Variants in COLEC10 observed in about 807,000 individuals in gnomAD.
COLEC10 encodes collectin-10.
COLEC10 carries 22 observed loss-of-function variants against 28.4 expected under a neutral mutation model. That is an observed-to-expected ratio of 0.78 (90% CI 0.55 to 1.11). The LOEUF (loss-of-function observed/expected upper bound fraction) is 1.11. Among genes scored for constraint, COLEC10 ranks in the 50% least tolerant of loss-of-function variants. The pLI is 0.00. For synonymous variants in COLEC10, 125 were observed against 116.1 expected (o/e 1.08, Z -0.49); for missense variants, 361 against 344.1 (o/e 1.05, Z -0.39).
In COLEC10 at chr8:119,106,563, A is replaced by T. The variant is rs1815949095; in HGVS notation, c.*372A>T. On this transcript the variant is annotated 3_prime_UTR_variant, in exon 6 of 6. Transcript: ENST00000332843. ...ATAATTTCCCAGTTTACTGGTGATGATTAGGAAGGTTGTTGATGGTTAGGC... is the reference window on the plus strand; with the variant it reads ...ATAATTTCCCAGTTTACTGGTGATGTTTAGGAAGGTTGTTGATGGTTAGGC... The T allele has an allele frequency of 5.5e-6, 1 of 182,156 alleles. No individual in the cohort carries two copies. Among genetic ancestry groups the T allele is most frequent in the Non-Finnish European group, 1.2e-5 (1 of 84,314 alleles). The allele number at this position is 182,156 out of a possible 1,614,324, so 11.3% of individuals were successfully genotyped here. A position where few individuals can be genotyped will look rare whatever the true frequency, so the allele number is the denominator to read the frequency against.
Position 119,015,482 on chromosome 8 carries a change from A to G in COLEC10, n.235+5929A>G, listed in dbSNP as rs1274580617. Among the ~76,000 whole-genome samples the G allele has an allele frequency of 2.8e-5, 4 of 144,534 alleles. 1 individual carries two copies. The highest frequency in any genetic ancestry group is 1.2e-4 in the African/African-American group (4 of 34,252). The allele number at this position is 144,534 out of a possible 152,430, so 94.8% of individuals were successfully genotyped here. A position where few individuals can be genotyped will look rare whatever the true frequency, so the allele number is the denominator to read the frequency against. ...AGAACAGAATTCTCTGGTGTATTTC[A>G]AAATAGTTTCTTTTCCCCTCCCTGT... On this transcript the variant is annotated intron_variant and non_coding_transcript_variant, in intron 2 of 6. Coordinates refer to the COLEC10 transcript ENST00000521788.
chr8:119,034,354 C>T (rs1472985961), intron 2 of COLEC10, among the ~76,000 whole-genome samples: 1 of 150,802 alleles, frequency 6.6e-6, no homozygotes, highest in Non-Finnish European at 1.5e-5. Context: ...CAAACCAGCA[C>T]ATGTATACCT....
chr8:119,001,102 T>C (rs1044151702), intron 1 of COLEC10, among the ~76,000 whole-genome samples: 1 of 152,082 alleles, frequency 6.6e-6, no homozygotes, highest in African/African-American at 2.4e-5. Context: ...TTGGGGAGAA[T>C]CGAAACTTAA....
intron 1 of COLEC10, chr8:119,068,068 A>T (rs899417751): frequency 6.6e-6 from 1 of 152,146 alleles, no homozygotes; most frequent in Non-Finnish European, 1.5e-5. Flanking sequence ...GCTTTAAGCA[A>T]CCAGTAGATT....
chr8:119,000,334 T>C (rs1026701323), intron 1 of COLEC10, among the ~76,000 whole-genome samples: 1 of 152,012 alleles, frequency 6.6e-6, no homozygotes, highest in East Asian at 1.9e-4. Flanking sequence ...AGAAGTGTGA[T>C]AGGATTATAT....
At chr8:118,969,689 CTTTCT>C in the COLEC10 span, among the ~76,000 whole-genome samples, 1 of 149,180 alleles carries the variant, frequency 6.7e-6, no homozygotes. Context: ...TTGTTTCTTT[CTTTCT>C]TTTTTTTTTT....
At chr8:119,100,766 T>C (rs1456561588) in intron 3 of COLEC10, among the ~76,000 whole-genome samples, 3 of 152,226 alleles carry the variant, frequency 2.0e-5, no homozygotes, top group East Asian at 3.9e-4. Context: ...TCCATTGGTA[T>C]AGATTTCACC....
At chr8:118,997,284 T>C (rs1034526471) in intron 1 of COLEC10, among the ~76,000 whole-genome samples, 1 of 152,080 alleles carries the variant, frequency 6.6e-6, no homozygotes, top group African/African-American at 2.4e-5. Context: ...GATTGTTTCG[T>C]TCCCTGTGCA....
chr8:119,005,311 G>A (rs1449279332), intron 1 of COLEC10, among the ~76,000 whole-genome samples: 1 of 152,080 alleles, frequency 6.6e-6, no homozygotes, highest in East Asian at 1.9e-4. Context: ...TTTAATCACA[G>A]TCACATTGCT....
chr8:119,001,270 G>A (rs1005469432), intron 1 of COLEC10, among the ~76,000 whole-genome samples: 2 of 152,136 alleles, frequency 1.3e-5, no homozygotes, highest in Non-Finnish European at 2.9e-5. Flanking sequence ...GGCACAGTAA[G>A]GAGAATAAAA....
At chr8:119,000,015 C>G (rs529121399) in intron 1 of COLEC10, among the ~76,000 whole-genome samples, 1 of 152,108 alleles carries the variant, frequency 6.6e-6, no homozygotes, top group East Asian at 1.9e-4. Flanking sequence ...TAGAAATGAT[C>G]TCATAGAGAG....
the COLEC10 span, among the ~76,000 whole-genome samples, chr8:118,963,641 C>A: frequency 6.6e-6 from 1 of 152,216 alleles, no homozygotes; most frequent in Non-Finnish European, 1.5e-5. Context: ...ATATCCTTTT[C>A]ATAGTCTACA....
At chr8:118,964,801 C>T in the COLEC10 span, among the ~76,000 whole-genome samples, 1 of 152,176 alleles carries the variant, frequency 6.6e-6, no homozygotes, top group African/African-American at 2.4e-5. Flanking sequence ...TTTAACTCTG[C>T]TTGCCACCAA....
chr8:119,035,551 C>A (rs1192009305), intron 2 of COLEC10, among the ~76,000 whole-genome samples: 3 of 89,064 alleles, frequency 3.4e-5, no homozygotes, highest in African/African-American at 1.3e-4. Flanking sequence ...CCTTTGATGT[C>A]CACAGAAAAC....
At chr8:119,012,299 T>C (rs1269874903) in intron 2 of COLEC10, among the ~76,000 whole-genome samples, 1 of 150,866 alleles carries the variant, frequency 6.6e-6, no homozygotes, top group Admixed American at 6.6e-5. Context: ...GAAACAGCCT[T>C]GCATACCTGG....
At chr8:119,045,202 T>C (rs1219470110) in intron 2 of COLEC10, among the ~76,000 whole-genome samples, 1 of 152,200 alleles carries the variant, frequency 6.6e-6, no homozygotes, top group Non-Finnish European at 1.5e-5. Context: ...ATTAATACAA[T>C]GTAACAAAAT....
chr8:119,070,476 TC>T (rs370638820), intron 1 of COLEC10, among the ~76,000 whole-genome samples: 62 of 99,094 alleles, frequency 6.3e-4, no homozygotes, highest in African/African-American at 1.3e-3. Context: ...TCTCTCTCTC[TC>T]CTTCCCCCTC....
the COLEC10 span, among the ~76,000 whole-genome samples, chr8:118,982,052 A>G: frequency 6.6e-6 from 1 of 151,940 alleles, no homozygotes; most frequent in Non-Finnish European, 1.5e-5. Flanking sequence ...TACCTTAGTA[A>G]TTTCAGGAAG....
chr8:119,016,821 A>G (rs1813999943), intron 2 of COLEC10, among the ~76,000 whole-genome samples: 1 of 152,094 alleles, frequency 6.6e-6, no homozygotes, highest in Admixed American at 6.5e-5. Flanking sequence ...GGTTGAAGCA[A>G]TTCTCCTGCC....
Sources: gnomAD v4.1 joint callset for allele counts (sites outside exome capture counted in the v4.1 genomes callset) on GRCh38, gnomAD v4.1.1 for gene constraint, MANE v1.5 for transcripts, NCBI Gene and HGNC (gene_info 2026-07-23, HGNC 2026-07-21) for gene names.